TRPC5: variants seen among roughly 807,000 people sequenced by gnomAD.
TRPC5 encodes the protein short transient receptor potential channel 5.
Under a neutral mutation model 56.5 loss-of-function variants are expected in TRPC5, and 9 were observed. The observed-to-expected ratio is 0.16, with a 90% confidence interval of 0.10 to 0.28. The LOEUF is 0.28. Ranked by LOEUF, TRPC5 falls within the 10% of genes least tolerant of loss-of-function variation. The probability of loss-of-function intolerance (pLI) is 1.00; values close to 1 mark genes in which losing one functional copy is unlikely to be tolerated. For missense variants in TRPC5, 469 were observed against 748.9 expected (o/e 0.63, Z 4.36); for synonymous variants, 282 against 278.5 (o/e 1.01, Z -0.13).
chrX:111,852,553 T>G, intron 4 of TRPC5, 116 bp from the exon 5 acceptor site: 1 of 830,714 alleles, frequency 1.2e-6, no homozygotes, highest in Admixed American at 3.5e-5. Flanking sequence ...GGGGTCTCAG[T>G]GGAGTGAAGC....
At chrX:111,804,894 C>G (rs374096834) in intron 7 of TRPC5, among the ~76,000 whole-genome samples, 13 of 111,768 alleles carry the variant, frequency 1.2e-4, no homozygotes, top group African/African-American at 4.2e-4. Flanking sequence ...ATGTTGAATA[C>G]GAGTGGTGAA....
intron 3 of TRPC5, among the ~76,000 whole-genome samples, chrX:111,892,244 C>G (rs1275086196): frequency 2.7e-5 from 3 of 112,338 alleles, no homozygotes; most frequent in Non-Finnish European, 5.6e-5. Flanking sequence ...AAGATGTTTG[C>G]ATAATGCTCT....
intron 1 of TRPC5, among the ~76,000 whole-genome samples, chrX:111,987,165 T>C (rs1333443513): frequency 8.9e-6 from 1 of 111,881 alleles, no homozygotes; most frequent in East Asian, 2.8e-4. Flanking sequence ...GGACCATCAG[T>C]GCTCTCTTTA....
At chrX:111,986,380 CTGTT>C (rs1928211957) in intron 1 of TRPC5, among the ~76,000 whole-genome samples, 1 of 105,120 alleles carries the variant, frequency 9.5e-6, no homozygotes, top group African/African-American at 3.3e-5. Flanking sequence ...GGATTTCTGT[CTGTT>C]GACAGAAAAC....
chrX:112,046,564 A>G (rs1407069525), intron 1 of TRPC5, among the ~76,000 whole-genome samples: 1 of 111,106 alleles, frequency 9.0e-6, no homozygotes, highest in Non-Finnish European at 1.9e-5. Context: ...TGGGTCTGGC[A>G]TTTCTGTTGC....
intron 2 of TRPC5, chrX:111,931,235 T>G (rs1332944557): frequency 8.9e-6 from 1 of 112,452 alleles, no homozygotes; most frequent in African/African-American, 3.2e-5. Flanking sequence ...TTGTTCATAG[T>G]AATGACTTCT....
At chrX:112,058,221 C>T (rs1435736489) in intron 1 of TRPC5, among the ~76,000 whole-genome samples, 1 of 111,943 alleles carries the variant, frequency 8.9e-6, no homozygotes, top group Non-Finnish European at 1.9e-5. Context: ...GCAGACTTAC[C>T]CTGACATTCA....
rs1603022376 is a variant in TRPC5 at position 111,776,209 on chromosome X, T to C, written c.*104A>G. On this transcript the variant is annotated 3_prime_UTR_variant, in exon 11 of 11. Transcript: ENST00000262839. ...TGCAAATAAGAGTTTCACTCTCCTT[T>C]CTGGGGGGCAGGGGCAGTGAGGGAA... The C allele has an allele frequency of 1.2e-6, 1 of 801,958 alleles. No homozygotes were observed. Among genetic ancestry groups the C allele is most frequent in the Non-Finnish European group, 1.7e-6 (1 of 574,921 alleles). The allele number at this position is 801,958 out of a possible 1,213,427, so 66.1% of individuals were successfully genotyped here.
At chrX:112,007,614 G>A (rs765537417) in intron 1 of TRPC5, among the ~76,000 whole-genome samples, 34 of 111,435 alleles carry the variant, frequency 3.1e-4, no homozygotes, top group Admixed American at 6.7e-4. Flanking sequence ...GTGGTAGGCC[G>A]GCATAACAGA....
At chrX:111,887,208 G>A (rs1368101013) in intron 3 of TRPC5, among the ~76,000 whole-genome samples, 1 of 112,510 alleles carries the variant, frequency 8.9e-6, no homozygotes, top group African/African-American at 3.2e-5. Context: ...TTGGTTTAGT[G>A]GGTAATGCCA....
intron 7 of TRPC5, among the ~76,000 whole-genome samples, chrX:111,809,580 C>A (rs907463882): frequency 7.2e-5 from 8 of 111,842 alleles, no homozygotes; most frequent in Non-Finnish European, 1.5e-4. Context: ...TCTTTTCTAC[C>A]CTCTTCAGTG....
At chrX:111,778,512 C>T (rs1354543127) in intron 10 of TRPC5, among the ~76,000 whole-genome samples, 2 of 111,038 alleles carry the variant, frequency 1.8e-5, no homozygotes, top group Admixed American at 9.6e-5. Flanking sequence ...GACAAAATTG[C>T]CCCTGGTTGA....
At chrX:112,071,756 G>A (rs1396081222) in intron 1 of TRPC5, among the ~76,000 whole-genome samples, 1 of 111,861 alleles carries the variant, frequency 8.9e-6, no homozygotes, top group Non-Finnish European at 1.9e-5. Context: ...ACCACTTTTA[G>A]CTTGAGGCCA....
chrX:111,991,227 C>G (rs996949852), intron 1 of TRPC5, among the ~76,000 whole-genome samples: 39 of 94,888 alleles, frequency 4.1e-4, no homozygotes, highest in African/African-American at 1.9e-3. Context: ...AGTGGTCATG[C>G]CAGTGGCTAG....
Position 111,912,607 on chromosome X carries a change from G to C in TRPC5, c.584C>G (p.Ser195Cys). 1.7e-6 allele frequency: 2 copies of C among 1,211,478 alleles called. No individual in the cohort carries two copies. Among genetic ancestry groups the C allele is most frequent in the South Asian group, 3.5e-5 (2 of 56,948 alleles). Residue 195 changes from serine (S) to cysteine (C), a missense_variant, in exon 3 of 11, where the codon TCC becomes TGC. Around this residue, in one of 3 missense-constraint regions of TRPC5, gnomAD observed 118 missense variants for 167.1 expected, o/e 0.71. Coordinates refer to ENST00000262839, the MANE Select transcript of TRPC5 (RefSeq NM_012471.3). ...CAGAGCCTTATAGATGTTCAGTCGG[G>C]AGCGAGAGTGGCGCAGGCTGTCTAC... ...SEVDSLRHSRSRLNIYKALAS... is the reference protein window; with the variant it reads ...SEVDSLRHSRCRLNIYKALAS...
intron 6 of TRPC5, among the ~76,000 whole-genome samples, chrX:111,846,172 T>C (rs1922920714): frequency 8.9e-6 from 1 of 111,864 alleles, no homozygotes; most frequent in African/African-American, 3.2e-5. Flanking sequence ...TGTTGGTTTA[T>C]GGCGTTATAA....
At position 112,017,619 on chromosome X, in the gene TRPC5, A is replaced by G. The variant is rs768585805; in HGVS notation, c.-22+64260T>C. Among the ~76,000 whole-genome samples the G allele has an allele frequency of 3.6e-5, 4 of 111,160 alleles. No homozygotes were observed. The Admixed American group carries it at 3.9e-4, about 11-fold the overall frequency. On this transcript the variant is annotated intron_variant, in intron 1 of 10. Coordinates refer to ENST00000262839, the MANE Select transcript of TRPC5 (RefSeq NM_012471.3). The stretch of plus-strand genomic sequence containing the variant: ...AGCAGAGCTGACAGAGTATCTCAGC[A>G]GGAAGTGAGGTGTTGGGCCTTGGAC...
chrX:111,805,287 A>G (rs752616524), intron 7 of TRPC5, among the ~76,000 whole-genome samples: 17 of 112,043 alleles, frequency 1.5e-4, no homozygotes, highest in African/African-American at 4.5e-4. Context: ...ATCAATGTTC[A>G]TCAGGGATAT....
intron 2 of TRPC5, among the ~76,000 whole-genome samples, chrX:111,949,984 CAT>C (rs745594172): frequency 6.5e-5 from 7 of 108,160 alleles, no homozygotes; most frequent in Admixed American, 2.0e-4. Flanking sequence ...GAAACTGTGG[CAT>C]ATATATATAT....
Sources: gnomAD v4.1 joint callset for allele counts (sites outside exome capture counted in the v4.1 genomes callset) on GRCh38, gnomAD v4.1.1 for gene constraint, gnomAD v4.1.1 regional missense constraint, MANE v1.5 for transcripts, NCBI Gene and HGNC (gene_info 2026-07-23, HGNC 2026-07-21) for gene names.